NHEJ1: variants seen among roughly 807,000 people sequenced by gnomAD.
NHEJ1 encodes the protein non-homologous end joining factor 1.
Under a neutral mutation model 39.4 loss-of-function variants are expected in NHEJ1, and 22 were observed. The ratio of observed to expected loss-of-function variants is 0.56; its 90% confidence interval spans 0.40 to 0.80. The LOEUF (loss-of-function observed/expected upper bound fraction) is 0.80, where lower values mean the gene tolerates loss of function less well. NHEJ1 is among the 30% of genes least tolerant of loss of function. The pLI is 0.00. For missense variants in NHEJ1, 329 were observed against 357.1 expected, an observed-to-expected ratio of 0.92 and a Z score of 0.63; for synonymous variants, 154 against 135.6, an observed-to-expected ratio of 1.14 and a Z score of -0.94.
chr2:219,146,768 T>C (rs946996000), intron 4 of NHEJ1, 30 bp from the exon 5 acceptor site: 1 of 1,534,766 alleles, frequency 6.5e-7, no homozygotes, highest in Non-Finnish European at 9.0e-7. Flanking sequence ...AAAAAAGAAA[T>C]ATGAGTCATA....
intron 3 of NHEJ1, among the ~76,000 whole-genome samples, chr2:219,151,709 A>G (rs1005175063): frequency 6.6e-6 from 1 of 152,114 alleles, no homozygotes; most frequent in South Asian, 2.1e-4. Flanking sequence ...AATGTGTAAA[A>G]AAGTCCCAGC....
intron 5 of NHEJ1, among the ~76,000 whole-genome samples, chr2:219,118,292 A>C (rs1949434694): frequency 6.6e-6 from 1 of 152,166 alleles, no homozygotes; most frequent in Non-Finnish European, 1.5e-5. Flanking sequence ...TTTTCACGAA[A>C]TGTTGGGCTG....
chr2:219,095,078 A>AAG (rs1470211876), intron 5 of NHEJ1, among the ~76,000 whole-genome samples: 7 of 152,186 alleles, frequency 4.6e-5, no homozygotes, highest in Non-Finnish European at 7.4e-5. Context: ...GGAGGATCTA[A>AAG]AGAAAAGACT....
At chr2:219,138,888 A>C (rs1009449140) in intron 5 of NHEJ1, among the ~76,000 whole-genome samples, 2 of 152,182 alleles carry the variant, frequency 1.3e-5, no homozygotes, top group Non-Finnish European at 1.5e-5. Flanking sequence ...CTATGTAGAT[A>C]TGTCTCCAAA....
intron 5 of NHEJ1, among the ~76,000 whole-genome samples, chr2:219,083,008 A>C (rs1949080088): frequency 6.6e-6 from 1 of 152,220 alleles, no homozygotes; most frequent in South Asian, 2.1e-4. Flanking sequence ...AAGAAACGTA[A>C]TTTAGGAAGA....
chr2:219,112,287 A>G (rs1012844728), intron 5 of NHEJ1, among the ~76,000 whole-genome samples: 4 of 152,176 alleles, frequency 2.6e-5, no homozygotes, highest in African/African-American at 7.2e-5. Context: ...CTTACTTGCT[A>G]TGTTACCTTG....
chr2:219,130,931 A>G (rs1401069767), intron 5 of NHEJ1, among the ~76,000 whole-genome samples: 1 of 152,110 alleles, frequency 6.6e-6, no homozygotes, highest in African/African-American at 2.4e-5. Context: ...TCTACTAAAA[A>G]TAACAAAAAC....
intron 1 of NHEJ1, chr2:219,158,974 TG>T (rs911796148): frequency 6.4e-6 from 1 of 155,752 alleles, no homozygotes; most frequent in African/African-American, 2.4e-5. Context: ...CATATATGCA[TG>T]GGGAGGGGGA....
chr2:219,111,128 G>A lies in NHEJ1; in HGVS notation c.589-32922C>T, dbSNP rs1250387653. Among the ~76,000 whole-genome samples the A allele has an allele frequency of 6.6e-6, 1 of 152,182 alleles. No individual in the cohort carries two copies. The highest frequency in any genetic ancestry group is 2.4e-5 in the African/African-American group (1 of 41,442). On this transcript the variant is annotated intron_variant, in intron 5 of 7. Coordinates refer to ENST00000356853, the MANE Select transcript of NHEJ1 (RefSeq NM_024782.3). The surrounding 1 kb of genome is among the most constrained non-coding windows in gnomAD (Gnocchi z 4.1). ...GGTCATATTCCTTAACTAAGGACCA[G>A]AGGGGGGAAAATCATTTTAAAGATG...
chr2:219,101,068 T>C (rs2106333201), intron 5 of NHEJ1, among the ~76,000 whole-genome samples: 1 of 152,348 alleles, frequency 6.6e-6, no homozygotes, highest in South Asian at 2.1e-4. Context: ...TTATGCATTT[T>C]GCCTTTTTTG....
At chr2:219,107,321 T>A (rs72951747) in intron 5 of NHEJ1, among the ~76,000 whole-genome samples, 11,228 of 152,124 alleles carry the variant, frequency 0.074, 469 homozygotes, top group East Asian at 0.12. Flanking sequence ...CAATTTATGG[T>A]TTACAAAAGC....
chr2:219,086,204 TG>T (rs1484848378), intron 5 of NHEJ1, among the ~76,000 whole-genome samples: 1 of 152,228 alleles, frequency 6.6e-6, no homozygotes, highest in Non-Finnish European at 1.5e-5. Flanking sequence ...TTATTTATTT[TG>T]GGGTTTTTTT....
At chr2:219,159,566 T>TGCATATATATGC (rs1553549847) in intron 1 of NHEJ1, among the ~76,000 whole-genome samples, 1 of 17,660 alleles carries the variant, frequency 5.7e-5, no homozygotes, top group Non-Finnish European at 1.3e-4. Context: ...TATATATGCA[T>TGCATATATATGC]ATATATATGC....
chr2:219,098,043 G>A (rs1262243111), intron 5 of NHEJ1, among the ~76,000 whole-genome samples: 2 of 152,168 alleles, frequency 1.3e-5, no homozygotes, highest in African/African-American at 4.8e-5. Flanking sequence ...AGGACTGGGC[G>A]ACCAACTCTA....
chr2:219,122,648 A>C (rs899413344), intron 5 of NHEJ1, among the ~76,000 whole-genome samples: 1 of 152,174 alleles, frequency 6.6e-6, no homozygotes, highest in Non-Finnish European at 1.5e-5. Context: ...TTTACTCTTA[A>C]GATTTGCCTC....
Position 219,074,216 on chromosome 2 carries a change from T to C in NHEJ1, c.*2165A>G, listed in dbSNP as rs1403959812. Among the ~76,000 whole-genome samples the C allele has an allele frequency of 6.6e-6, 1 of 152,194 alleles. No individual in the cohort carries two copies. The highest frequency in any genetic ancestry group is 1.5e-5 in the Non-Finnish European group (1 of 68,034). ...TTAACCTTTTTAGAAAGTCACACATTCTTTTTGAGAACATCAACAAAATTT... is the reference window on the plus strand; with the variant it reads ...TTAACCTTTTTAGAAAGTCACACATCCTTTTTGAGAACATCAACAAAATTT... On this transcript the variant is annotated 3_prime_UTR_variant, in exon 8 of 8. Coordinates refer to ENST00000356853, the MANE Select transcript of NHEJ1 (RefSeq NM_024782.3).
At chr2:219,129,618 C>T (rs561759531) in intron 5 of NHEJ1, among the ~76,000 whole-genome samples, 1 of 152,220 alleles carries the variant, frequency 6.6e-6, no homozygotes, top group Non-Finnish European at 1.5e-5. Context: ...GGACTCCCCC[C>T]ACTCCAGGCC....
At chr2:219,151,984 AATAATAATGTGTAAATAGTT>A (rs774732975) in intron 3 of NHEJ1, among the ~76,000 whole-genome samples, 333 of 152,210 alleles carry the variant, frequency 2.2e-3, no homozygotes, top group Admixed American at 4.3e-3. Context: ...CAATAATAAT[AATAATAATGTGTAAATAGTT>A]CAAAGCAAAT....
At chr2:219,100,395 G>A (rs888813193) in intron 5 of NHEJ1, among the ~76,000 whole-genome samples, 1 of 150,376 alleles carries the variant, frequency 6.6e-6, no homozygotes, top group African/African-American at 2.4e-5. Flanking sequence ...TTGAGGCCAG[G>A]AGTTCGAGAC....
Sources: gnomAD v4.1 joint callset for allele counts (sites outside exome capture counted in the v4.1 genomes callset) on GRCh38, gnomAD v4.1.1 for gene constraint, Gnocchi (gnomAD v3.1) non-coding constraint, MANE v1.5 for transcripts, NCBI Gene and HGNC (gene_info 2026-07-23, HGNC 2026-07-21) for gene names.